ATXN1L: variants seen among roughly 807,000 people sequenced by gnomAD.
ATXN1L encodes the protein ataxin-1-like.
In ATXN1L, 8 loss-of-function variants were observed where a neutral mutation model predicts 43.4. The ratio of observed to expected loss-of-function variants is 0.18; its 90% CI spans 0.11 to 0.33. The LOEUF (loss-of-function observed/expected upper bound fraction) is 0.33, where lower values mean the gene tolerates loss of function less well. Among genes scored for constraint, ATXN1L ranks in the 10% least tolerant of loss-of-function variants. ATXN1L has a pLI of 1.00. For synonymous variants in ATXN1L, 379 were observed against 360.6 expected (o/e 1.05, Z -0.58); for missense variants, 856 against 885.4 (o/e 0.97, Z 0.42).
In ATXN1L at chr16:71,852,700, CT is replaced by C; in HGVS notation, c.*895del. On this transcript the variant is annotated 3_prime_UTR_variant, in exon 3 of 3. Coordinates refer to ENST00000427980, the MANE Select transcript of ATXN1L (RefSeq NM_001137675.4). ...ATGGTGACTTTAGAACTAGTAGACCCTTTTTCCCAGGCACTGACCCCCCACC... is the reference window on the plus strand; with the variant it reads ...ATGGTGACTTTAGAACTAGTAGACCCTTTTCCCAGGCACTGACCCCCCACC... 1 of 167,172 alleles carries C rather than the reference CT, an allele frequency of 6.0e-6. No individual in the cohort carries two copies. The highest frequency in any genetic ancestry group is 1.5e-5 in the Non-Finnish European group (1 of 68,180). 10.4% of individuals were successfully genotyped at this position (167,172 alleles called of 1,614,324 possible).
Position 71,850,103 on chromosome 16 carries a change from CATCCACT to C in ATXN1L, c.368_374del (p.His123LeufsTer155), listed in dbSNP as rs1296365916. On this transcript the variant is annotated frameshift_variant, in exon 3 of 3. Transcript: ENST00000427980. LOFTEE classifies it high-confidence loss of function. Reference sequence around the variant, plus strand: ...CGTCTTCACTAATTCAACATCCAGGCATCCACTATCCTCCACTCCACTATGCTCAGCT... The same window carrying C: ...CGTCTTCACTAATTCAACATCCAGGCATCCTCCACTCCACTATGCTCAGCT... The C allele has an allele frequency of 6.4e-7, 1 of 1,551,612 alleles. No individual in the cohort carries two copies. The highest frequency in any genetic ancestry group is 1.4e-5 in the African/African-American group (1 of 73,032).
rs1324335541 is a variant in ATXN1L, at chr16:71,856,183, A to G, written c.*4373A>G. On this transcript the variant is annotated 3_prime_UTR_variant, in exon 3 of 3. Coordinates refer to ENST00000427980, the MANE Select transcript of ATXN1L (RefSeq NM_001137675.4). Reference sequence around the variant, plus strand: ...GCCCTGCTGCCTCCCCAGCAGGAACAATAGTCATAAATGCACTTTTCACAC... The same window carrying G: ...GCCCTGCTGCCTCCCCAGCAGGAACGATAGTCATAAATGCACTTTTCACAC... The G allele has an allele frequency of 6.0e-6, 1 of 167,100 alleles. No individual in the cohort carries two copies. Among genetic ancestry groups the G allele is most frequent in the Non-Finnish European group, 1.5e-5 (1 of 68,132 alleles). 10.4% of individuals were successfully genotyped at this position (167,100 alleles called of 1,614,324 possible).
rs377525889 is a variant in ATXN1L at position 71,849,215 on chromosome 16, T to TAAAAAAAAAA, written c.-117-409_-117-408insAAAAAAAAAA. 8.1e-5 allele frequency among the ~76,000 whole-genome samples: 7 copies of TAAAAAAAAAA among 86,052 alleles called. 1 individual carries two copies. Among genetic ancestry groups the TAAAAAAAAAA allele is most frequent in the Admixed American group, 2.6e-4 (2 of 7,664 alleles). 56.5% of individuals were successfully genotyped at this position (86,052 alleles called of 152,430 possible). On this transcript the variant is annotated intron_variant, in intron 2 of 2. Coordinates refer to ENST00000427980, the MANE Select transcript of ATXN1L (RefSeq NM_001137675.4). ...CAACAAGAGCAAAACTCCATGTGTT[T>TAAAAAAAAAA]TAAAAAAAAAAAAAAAAAAAAAAAA...
At chr16:71,848,250 A>G (rs758065562) in intron 2 of ATXN1L, 179 bp downstream of exon 2, 2 of 309,250 alleles carry the variant, frequency 6.5e-6, no homozygotes, top group Non-Finnish European at 1.3e-5. Context: ...AAGTTGCTTT[A>G]TAACAATGGA....
chr16:71,850,786 A>AT lies in ATXN1L; in HGVS notation c.1047dup (p.Arg350SerfsTer26). The stretch of plus-strand genomic sequence containing the variant: ...GTTGGCGCTTTAGCTTCTCAGGACT[A>AT]TCGTGTGGTGGCAGCTCAGAGGAAG... On this transcript the variant is annotated frameshift_variant, in exon 3 of 3. Coordinates refer to ENST00000427980, the MANE Select transcript of ATXN1L (RefSeq NM_001137675.4). LOFTEE classifies it high-confidence loss of function. 6.4e-7 allele frequency: 1 copy of AT among 1,551,622 alleles called. No individual in the cohort carries two copies. Among genetic ancestry groups the AT allele is most frequent in the Non-Finnish European group, 8.7e-7 (1 of 1,146,964 alleles).
At position 71,849,813 on chromosome 16, in the gene ATXN1L, G is replaced by T; in HGVS notation, c.73G>T (p.Asp25Tyr). ...KKRDLPVTSE[D>Y]MGRTTSCSTN... ...ACGAGACCTCCCCGTGACCAGCGAG[G>T]ATATGGGGAGAACTACCAGCTGCTC... is the stretch of plus-strand genomic sequence containing the variant. Residue 25 changes from aspartate (D) to tyrosine (Y), a missense_variant, in exon 3 of 3, where the codon GAT (aspartate) becomes TAT (tyrosine). By Grantham distance (160) the Asp-to-Tyr change is radical (BLOSUM62 -3). This residue lies in a region of ATXN1L where 93 missense variants were observed against 113.4 expected (regional missense o/e 0.82). Coordinates refer to ENST00000427980, the MANE Select transcript of ATXN1L (RefSeq NM_001137675.4). The T allele has an allele frequency of 6.4e-7, 1 of 1,550,776 alleles. No individual in the cohort carries two copies. Among genetic ancestry groups the T allele is most frequent in the South Asian group, 1.2e-5 (1 of 83,904 alleles).
intron 1 of ATXN1L, among the ~76,000 whole-genome samples, chr16:71,847,446 C>G (rs1192214404): frequency 6.6e-6 from 1 of 151,740 alleles, no homozygotes; most frequent in African/African-American, 2.4e-5. Context: ...TTTTTTTTAA[C>G]CCTGAAAATC....
chr16:71,851,627 A>G lies in ATXN1L; in HGVS notation c.1887A>G (p.Gly629=). The change falls in exon 3 of 3, where the codon GGA becomes GGG. Residue 629 remains glycine, a synonymous_variant. Transcript: ENST00000427980. This position sits in a 1 kb window ranked among gnomAD's most constrained non-coding sequence, Gnocchi z 4.9. ...GTGAGGGGAAGAGCCAGCCGGCAGG[A>G]GAGGGCTCCCGTGTGGTAGAGCCTT... ...CDSEGKSQPA[G]EGSRVVEPSQ... 1 of 1,537,498 alleles carries G rather than the reference A, an allele frequency of 6.5e-7. No individual in the cohort carries two copies. The highest frequency in any genetic ancestry group is 8.8e-7 in the Non-Finnish European group (1 of 1,136,774).
At position 71,855,617 on chromosome 16, in the gene ATXN1L, C is replaced by T. The variant is rs1202483754; in HGVS notation, c.*3807C>T. On this transcript the variant is annotated 3_prime_UTR_variant, in exon 3 of 3. Transcript: ENST00000427980. ...CAGGCATGTTGAAGAGTTGAGTGAT[C>T]ACGCTGGAGATGAAGGGTTGGACAT... The T allele has an allele frequency of 6.0e-6, 1 of 167,068 alleles. No individual in the cohort carries two copies. The highest frequency in any genetic ancestry group is 6.6e-5 in the Admixed American group (1 of 15,262). The allele number at this position is 167,068 out of a possible 1,614,324, so 10.3% of individuals were successfully genotyped here. A position where few individuals can be genotyped will look rare whatever the true frequency, so the allele number is the denominator to read the frequency against.
chr16:71,851,456 G>C lies in ATXN1L; in HGVS notation c.1716G>C (p.Gln572His), dbSNP rs911754661. Residue 572 changes from glutamine to histidine, a missense_variant, in exon 3 of 3, where the codon CAG becomes CAC. By Grantham distance (24) the Gln-to-His change is conservative (BLOSUM62 0). Coordinates refer to ENST00000427980, the MANE Select transcript of ATXN1L (RefSeq NM_001137675.4). The surrounding 1 kb of genome is among the most constrained non-coding windows in gnomAD (Gnocchi z 4.9). ...TCTCTCTGCCCTGCCATCGGCTACA[G>C]GTGGGAGATGTCTGCATCTCTATCA... ...QLFSLPCHRL[Q>H]VGDVCISISL... The C allele has an allele frequency of 3.9e-6, 6 of 1,551,502 alleles. No homozygotes were observed. Among genetic ancestry groups the C allele is most frequent in the Non-Finnish European group, 4.4e-6 (5 of 1,146,980 alleles).
Position 71,849,971 on chromosome 16 carries a change from C to T in ATXN1L, c.231C>T (p.Asp77=), listed in dbSNP as rs2033480626. ...AGGCCATCACCGGTCTGACAGTGGA[C>T]CAGTATGGCATGCTGTATAAGGTGG... ...GAEAITGLTV[D]QYGMLYKVAV... Residue 77 remains aspartate (D), a synonymous_variant, in exon 3 of 3, where the codon GAC becomes GAT. Coordinates refer to ENST00000427980, the MANE Select transcript of ATXN1L (RefSeq NM_001137675.4). 2 of 1,551,618 alleles carry T rather than the reference C, an allele frequency of 1.3e-6. No homozygotes were observed. The highest frequency in any genetic ancestry group is 2.4e-5 in the East Asian group (1 of 40,914).
Position 71,849,911 on chromosome 16 carries a change from A to G in ATXN1L, c.171A>G (p.Ala57=), listed in dbSNP as rs1485659306. 1 of 1,551,078 alleles carries G rather than the reference A, an allele frequency of 6.4e-7. No individual in the cohort carries two copies. The highest frequency in any genetic ancestry group is 1.4e-5 in the African/African-American group (1 of 73,016). The part of the protein sequence containing the change: ...RGVVVAGQSQ[A]GARVSLGGDG... ...TTGTGGTGGCTGGGCAGAGCCAGGC[A>G]GGAGCCAGAGTCAGCCTGGGGGGTG... Residue 57 remains alanine (A), a synonymous_variant, in exon 3 of 3, where the codon GCA becomes GCG. Transcript: ENST00000427980.
Position 71,849,615 on chromosome 16 carries a change from C to T in ATXN1L, c.-117-9C>T, listed in dbSNP as rs1025003953. ...TACTTTTCTTTGCCTCTGATTTGTT[C>T]CCTAATAGATGTGGGCGCCCCAGCC... On this transcript the variant is annotated splice_polypyrimidine_tract_variant and intron_variant, in intron 2 of 2. Transcript: ENST00000427980. 10 of 1,046,244 alleles carry T rather than the reference C, an allele frequency of 9.6e-6. No individual in the cohort carries two copies. Among genetic ancestry groups the T allele is most frequent in the African/African-American group, 1.6e-5 (1 of 62,078 alleles). The allele number at this position is 1,046,244 out of a possible 1,614,324, so 64.8% of individuals were successfully genotyped here. A position where few individuals can be genotyped will look rare whatever the true frequency, so the allele number is the denominator to read the frequency against.
Position 71,850,627 on chromosome 16 carries a change from G to A in ATXN1L, c.887G>A (p.Gly296Asp). 1 of 1,551,742 alleles carries A rather than the reference G, an allele frequency of 6.4e-7. No homozygotes were observed. Among genetic ancestry groups the A allele is most frequent in the Non-Finnish European group, 8.7e-7 (1 of 1,147,006 alleles). ...GACTCCCCCAACAGCAAGGGTGAAG[G>A]CCAGGGACTGGTGCCAGTGGTAGAA... ...ALDSPNSKGE[G>D]QGLVPVVECV... The change falls in exon 3 of 3, where the codon GGC becomes GAC. Residue 296 changes from glycine to aspartate, a missense_variant. Transcript: ENST00000427980.
chr16:71,851,803 G>A lies in ATXN1L; in HGVS notation c.2063G>A (p.Gly688Glu). ...KLSIEGRSNA[G>E]K ...TCCATTGAAGGGCGTTCCAATGCGGGAAAATGAACCTCTTCCCCAGACCAG... is the reference window on the plus strand; with the variant it reads ...TCCATTGAAGGGCGTTCCAATGCGGAAAAATGAACCTCTTCCCCAGACCAG... The change falls in exon 3 of 3, where the codon GGA (glycine) becomes GAA (glutamate). Residue 688 changes from glycine (G) to glutamate (E), a missense_variant. Transcript: ENST00000427980. This position sits in a 1 kb window ranked among gnomAD's most constrained non-coding sequence, Gnocchi z 4.9. The A allele has an allele frequency of 7.0e-7, 1 of 1,430,376 alleles. No homozygotes were observed. Among genetic ancestry groups the A allele is most frequent in the Non-Finnish European group, 9.2e-7 (1 of 1,086,988 alleles). The allele number at this position is 1,430,376 out of a possible 1,614,324, so 88.6% of individuals were successfully genotyped here.
intron 1 of ATXN1L, among the ~76,000 whole-genome samples, chr16:71,847,788 A>G (rs960769529): frequency 2.6e-5 from 4 of 151,884 alleles, no homozygotes; most frequent in Non-Finnish European, 4.4e-5. Context: ...ATACATGGAA[A>G]TTTTTTTTCA....
rs2033483264 is a variant in ATXN1L, at chr16:71,850,181, C to G, written c.441C>G (p.Pro147=). 4 of 1,551,642 alleles carry G rather than the reference C, an allele frequency of 2.6e-6. No homozygotes were observed. Among genetic ancestry groups the G allele is most frequent in the Non-Finnish European group, 3.5e-6 (4 of 1,147,006 alleles). The change falls in exon 3 of 3, where the codon CCC becomes CCG. Residue 147 remains proline, a synonymous_variant. Transcript: ENST00000427980. The part of the protein sequence containing the change: ...LQFIGSPYSL[P]YAVPPNFLPS... ...TCATTGGGTCTCCTTATAGCCTTCC[C>G]TATGCTGTGCCACCTAATTTCCTAC...
At chr16:71,848,314 A>C (rs1270763686) in intron 2 of ATXN1L, 2 of 295,312 alleles carry the variant, frequency 6.8e-6, no homozygotes, top group South Asian at 5.5e-5. Context: ...GAACTTTCTT[A>C]TGAATCATAC....
chr16:71,855,283 T>G lies in ATXN1L; in HGVS notation c.*3473T>G, dbSNP rs775418933. The G allele has an allele frequency of 1.2e-5, 2 of 167,162 alleles. No homozygotes were observed. The highest frequency in any genetic ancestry group is 2.4e-5 in the African/African-American group (1 of 41,476). 10.4% of individuals were successfully genotyped at this position (167,162 alleles called of 1,614,324 possible). A position where few individuals can be genotyped will look rare whatever the true frequency, so the allele number is the denominator to read the frequency against. On this transcript the variant is annotated 3_prime_UTR_variant, in exon 3 of 3. Coordinates refer to ENST00000427980, the MANE Select transcript of ATXN1L (RefSeq NM_001137675.4). ...GTTGGGAGCCCTCTGGCTCCAAATG[T>G]CTGACTATCTTGAGGGAGAAACAAG...
Sources: gnomAD v4.1 joint callset for allele counts (sites outside exome capture counted in the v4.1 genomes callset) on GRCh38, gnomAD v4.1.1 for gene constraint, gnomAD v4.1.1 regional missense constraint, Gnocchi (gnomAD v3.1) non-coding constraint, MANE v1.5 for transcripts, NCBI Gene and HGNC (gene_info 2026-07-23, HGNC 2026-07-21) for gene names.